Variants in C19orf44 observed in about 807,000 individuals in gnomAD.
The protein encoded by C19orf44 is uncharacterized protein C19orf44.
A neutral mutation model predicts 50.7 loss-of-function variants in C19orf44; 43 were observed. The ratio of observed to expected loss-of-function variants is 0.85; its 90% confidence interval spans 0.66 to 1.09. The LOEUF is 1.09. Ranked by LOEUF, C19orf44 falls within the 50% of genes least tolerant of loss-of-function variation. The probability of loss-of-function intolerance (pLI) is 0.00; values close to 1 mark genes in which losing one functional copy is unlikely to be tolerated. For synonymous variants in C19orf44, 298 were observed against 334.7 expected (o/e 0.89, Z 1.20); for missense variants, 722 against 836.2 (o/e 0.86, Z 1.68).
Position 16,520,216 on chromosome 19 carries a change from G to A in C19orf44, c.*163G>A, listed in dbSNP as rs2085597067. The stretch of plus-strand genomic sequence containing the variant: ...GGGGAGTACGACTTGGACCGGGACC[G>A]CGACTGGGACCGGGAGCGGCTTCTG... On this transcript the variant is annotated 3_prime_UTR_variant, in exon 9 of 9. Transcript: ENST00000221671. This position sits in a 1 kb window ranked among gnomAD's most constrained non-coding sequence, Gnocchi z 4.0. 5 of 1,613,258 alleles carry A rather than the reference G, an allele frequency of 3.1e-6. No individual in the cohort carries two copies. Among genetic ancestry groups the A allele is most frequent in the East Asian group, 2.2e-5 (1 of 44,870 alleles).
intron 3 of C19orf44, among the ~76,000 whole-genome samples, chr19:16,505,675 C>A (rs2093438488): frequency 1.3e-5 from 2 of 152,074 alleles, no homozygotes; most frequent in South Asian, 4.1e-4. Context: ...TTATTATTAT[C>A]ATTATTTGTT....
In C19orf44 at chr19:16,520,226, CCGGGAG is replaced by C; in HGVS notation, c.*177_*182del. ...ACTTGGACCGGGACCGCGACTGGGA[CCGGGAG>C]CGGCTTCTGGAGGAGCGCGACCTGC... On this transcript the variant is annotated 3_prime_UTR_variant, in exon 9 of 9. Coordinates refer to ENST00000221671, the MANE Select transcript of C19orf44 (RefSeq NM_032207.4). This position sits in a 1 kb window ranked among gnomAD's most constrained non-coding sequence, Gnocchi z 4.0. 1 of 1,613,508 alleles carries C rather than the reference CCGGGAG, an allele frequency of 6.2e-7. No homozygotes were observed. Among genetic ancestry groups the C allele is most frequent in the East Asian group, 2.2e-5 (1 of 44,866 alleles).
chr19:16,501,121 A>G lies in C19orf44; in HGVS notation c.329A>G (p.Gln110Arg). ...ACCCGGATCATGAATCGGAAGCTGCAGAGGAATTTGTCTGACACGGAATCT... is the reference window on the plus strand; with the variant it reads ...ACCCGGATCATGAATCGGAAGCTGCGGAGGAATTTGTCTGACACGGAATCT... ...LETRIMNRKL[Q>R]RNLSDTESDS... Residue 110 changes from glutamine to arginine, a missense_variant, in exon 2 of 9, where the codon CAG becomes CGG. By Grantham distance (43) the Gln-to-Arg change is conservative (BLOSUM62 1). Coordinates refer to ENST00000221671, the MANE Select transcript of C19orf44 (RefSeq NM_032207.4). The G allele has an allele frequency of 6.2e-7, 1 of 1,614,162 alleles. No homozygotes were observed. The highest frequency in any genetic ancestry group is 1.6e-4 in the Middle Eastern group (1 of 6,062).
intron 3 of C19orf44, among the ~76,000 whole-genome samples, chr19:16,506,015 A>G (rs2093439604): frequency 6.8e-6 from 1 of 146,696 alleles, no homozygotes; most frequent in Non-Finnish European, 1.5e-5. Context: ...GGGTCTCTCT[A>G]TGCTCCAGGC....
intron 7 of C19orf44, among the ~76,000 whole-genome samples, chr19:16,515,017 G>A (rs1249066330): frequency 1.3e-5 from 2 of 152,202 alleles, no homozygotes; most frequent in Non-Finnish European, 2.9e-5. Flanking sequence ...GGCCAGAGGC[G>A]GCCCAGCTGT....
intron 3 of C19orf44, among the ~76,000 whole-genome samples, chr19:16,504,793 A>T (rs1355226789): frequency 6.7e-6 from 1 of 148,954 alleles, no homozygotes; most frequent in African/African-American, 2.5e-5. Flanking sequence ...TGGAGACGGG[A>T]CGGGGTTTCA....
In C19orf44 at chr19:16,519,960, GCAGACCC is replaced by G. The variant is rs2085593369; in HGVS notation, c.*41-130_*41-124del. On this transcript the variant is annotated intron_variant, in intron 8 of 8. Transcript: ENST00000221671. The surrounding 1 kb of genome is among the most constrained non-coding windows in gnomAD (Gnocchi z 6.0). ...CTCCAACCCAGATGGTGGTTAGAAA[GCAGACCC>G]CAGTTACTGCCTCAGGCTTCGCCAA... is the stretch of plus-strand genomic sequence containing the variant. The G allele has an allele frequency of 2.9e-6, 2 of 689,648 alleles. No homozygotes were observed. The highest frequency in any genetic ancestry group is 2.7e-5 in the Admixed American group (1 of 36,656). The allele number at this position is 689,648 out of a possible 1,614,324, so 42.7% of individuals were successfully genotyped here. A position where few individuals can be genotyped will look rare whatever the true frequency, so the allele number is the denominator to read the frequency against.
chr19:16,503,158 G>A lies in C19orf44; in HGVS notation c.853G>A (p.Ala285Thr), dbSNP rs142017069. The A allele has an allele frequency of 2.7e-5, 44 of 1,614,036 alleles. No homozygotes were observed. In the African/African-American group the frequency reaches 5.6e-4, roughly 21 times the overall value. ...QTSHLPTSLA[A>T]DRTLHSTRSR... ...ATCACACCTGCCAACCTCCCTGGCA[G>A]CAGACAGAACCCTTCACAGCACTCG... The change falls in exon 3 of 9, where the codon GCA becomes ACA. Residue 285 changes from alanine to threonine, a missense_variant. Transcript: ENST00000221671.
rs755933348 is a variant in C19orf44, at chr19:16,514,643, A to G, written c.1882A>G (p.Thr628Ala). ...SLDADSFHYH[T>A]LEEAKEYIRC... is the part of the protein sequence containing the mutation. ...GGACGCGGACTCCTTCCACTACCAC[A>G]CCCTGGAGGAAGCCAAAGAGGTGAG... Residue 628 changes from threonine (T) to alanine (A), a missense_variant, in exon 7 of 9, where the codon ACC becomes GCC. Transcript: ENST00000221671. 2 of 1,578,426 alleles carry G rather than the reference A, an allele frequency of 1.3e-6. No homozygotes were observed. The highest frequency in any genetic ancestry group is 3.7e-5 in the Admixed American group (2 of 54,080).
chr19:16,502,873 C>G (rs2093429626), intron 2 of C19orf44, among the ~76,000 whole-genome samples, 192 bp from the exon 3 acceptor site: 1 of 151,396 alleles, frequency 6.6e-6, no homozygotes, highest in African/African-American at 2.4e-5. Flanking sequence ...ACTTGTAGTC[C>G]TAGCTGCTTG....
Position 16,520,401 on chromosome 19 carries a change from G to A in C19orf44, c.*348G>A, listed in dbSNP as rs747697426. ...CGGGAGTAGGAACGGGAGCAGGAGC[G>A]CGACCTTGACCTTGAGTACGAGCCT... is the stretch of plus-strand genomic sequence containing the variant. On this transcript the variant is annotated 3_prime_UTR_variant, in exon 9 of 9. Coordinates refer to ENST00000221671, the MANE Select transcript of C19orf44 (RefSeq NM_032207.4). This position sits in a 1 kb window ranked among gnomAD's most constrained non-coding sequence, Gnocchi z 4.0. 6 of 1,613,982 alleles carry A rather than the reference G, an allele frequency of 3.7e-6. No individual in the cohort carries two copies. Among genetic ancestry groups the A allele is most frequent in the South Asian group, 1.1e-5 (1 of 91,094 alleles).
At chr19:16,508,182 G>A (rs890477252) in intron 4 of C19orf44, among the ~76,000 whole-genome samples, 3 of 152,084 alleles carry the variant, frequency 2.0e-5, no homozygotes, top group Admixed American at 1.3e-4. Flanking sequence ...TCAGCTCACT[G>A]CAACCTCCAC....
chr19:16,497,352 C>CTTTTT lies in C19orf44; in HGVS notation c.-2+899_-2+903dup, dbSNP rs71180303. On this transcript the variant is annotated intron_variant, in intron 1 of 8. Transcript: ENST00000221671. ...GTCTGGCTACTTTCTTTTTTCTTTC[C>CTTTTT]TTTTTTTTTTTTTTTTGAGACAGAT... Among the ~76,000 whole-genome samples, 140 of 127,022 alleles carry CTTTTT rather than the reference C, an allele frequency of 1.1e-3. 11 individuals carry two copies. Among genetic ancestry groups the CTTTTT allele is most frequent in the African/African-American group, 1.8e-3 (59 of 33,560 alleles). 83.3% of individuals were successfully genotyped at this position (127,022 alleles called of 152,430 possible). A position where few individuals can be genotyped will look rare whatever the true frequency, so the allele number is the denominator to read the frequency against.
At chr19:16,515,053 T>C (rs948409721) in intron 7 of C19orf44, among the ~76,000 whole-genome samples, 2 of 152,186 alleles carry the variant, frequency 1.3e-5, no homozygotes, top group Non-Finnish European at 2.9e-5. Context: ...CCCTCACCTC[T>C]TTTTTTACCC....
intron 4 of C19orf44, among the ~76,000 whole-genome samples, chr19:16,509,170 G>A (rs1247184182): frequency 6.9e-6 from 1 of 145,958 alleles, no homozygotes; most frequent in African/African-American, 2.5e-5. Context: ...TTGCTGTGTT[G>A]CCCAGGCAGG....
chr19:16,512,926 C>T (rs999269570), intron 5 of C19orf44, 88 bp from the exon 6 acceptor site: 24 of 1,032,510 alleles, frequency 2.3e-5, no homozygotes, highest in East Asian at 1.0e-4. Context: ...AACAAGGTCA[C>T]GTAGTTTATT....
intron 2 of C19orf44, among the ~76,000 whole-genome samples, chr19:16,501,890 C>T (rs771491680): frequency 3.4e-5 from 5 of 148,664 alleles, no homozygotes; most frequent in South Asian, 2.1e-4. Flanking sequence ...CATGCCCGGC[C>T]GGTGACTGGC....
chr19:16,514,621 C>A lies in C19orf44; in HGVS notation c.1860C>A (p.Asp620Glu). 9 of 1,592,544 alleles carry A rather than the reference C, an allele frequency of 5.7e-6. No homozygotes were observed. The highest frequency in any genetic ancestry group is 7.7e-6 in the Non-Finnish European group (9 of 1,170,730). ...HLHASLLRSL[D>E]ADSFHYHTLE... ...ACGCCTCCCTCCTGCGCTCCCTGGA[C>A]GCGGACTCCTTCCACTACCACACCC... is the stretch of plus-strand genomic sequence containing the variant. Residue 620 changes from aspartate to glutamate, a missense_variant, in exon 7 of 9, where the codon GAC becomes GAA. Asp to Glu is a conservative substitution (Grantham distance 45). Coordinates refer to ENST00000221671, the MANE Select transcript of C19orf44 (RefSeq NM_032207.4).
rs763062061 is a variant in C19orf44 at position 16,514,492 on chromosome 19, G to T, written c.1736-5G>T. The stretch of plus-strand genomic sequence containing the variant: ...AAGCCACCGAGTAACGCGGAGCTGG[G>T]TCAGCCCTGACCGCTTACAGCCCGG... On this transcript the variant is annotated splice_polypyrimidine_tract_variant and splice_region_variant and intron_variant, in intron 6 of 8. Transcript: ENST00000221671. 1.0e-5 allele frequency: 16 copies of T among 1,606,024 alleles called. No individual in the cohort carries two copies. In the Middle Eastern group the frequency reaches 5.0e-4, roughly 50 times the overall value.
Sources: gnomAD v4.1 joint callset for allele counts (sites outside exome capture counted in the v4.1 genomes callset) on GRCh38, gnomAD v4.1.1 for gene constraint, Gnocchi (gnomAD v3.1) non-coding constraint, MANE v1.5 for transcripts, NCBI Gene and HGNC (gene_info 2026-07-23, HGNC 2026-07-21) for gene names.